Variants in LRR1 observed in about 807,000 individuals in gnomAD.
The protein encoded by LRR1 is leucine rich repeat protein 1.
In LRR1, 29 loss-of-function variants were observed where a neutral mutation model predicts 31.6. That is an observed-to-expected ratio of 0.92 (90% CI 0.68 to 1.25). The LOEUF is 1.25. Among genes scored for constraint, LRR1 ranks in the 50% most tolerant of loss-of-function variants. The pLI is 0.00. For synonymous variants in LRR1, 179 were observed against 181.4 expected (o/e 0.99, Z 0.10); for missense variants, 485 against 487.2 (o/e 1.00, Z 0.04).
chr14:49,600,369 C>G, intron 1 of LRR1: 1 of 1,589,290 alleles, frequency 6.3e-7, no homozygotes. Context: ...GATTGATCTC[C>G]GAGATGACCC....
At chr14:49,600,008 C>T (rs1881987260) in intron 1 of LRR1, 1 of 1,607,530 alleles carries the variant, frequency 6.2e-7, no homozygotes, top group South Asian at 1.1e-5. Context: ...CTCACGGGCC[C>T]GGCGCGCTGA....
chr14:49,603,710 A>ATTTTT (rs1566493069), intron 2 of LRR1: 9,583 of 132,456 alleles, frequency 0.072, 2,702 homozygotes, highest in Admixed American at 0.19. Context: ...TTTTTTTTTA[A>ATTTTT]TGAGACAGAG....
intron 3 of LRR1, among the ~76,000 whole-genome samples, chr14:49,613,648 A>C (rs1379058844): frequency 6.6e-6 from 1 of 151,332 alleles, no homozygotes; most frequent in Admixed American, 6.6e-5. Context: ...CTCTACTAAA[A>C]ATACAATGCA....
chr14:49,600,494 C>T, intron 1 of LRR1: 1 of 1,582,436 alleles, frequency 6.3e-7, no homozygotes, highest in Non-Finnish European at 8.7e-7. Flanking sequence ...CAGCTTTAAC[C>T]CAGAAGGGAT....
At chr14:49,604,270 A>G (rs1052814764) in intron 2 of LRR1, among the ~76,000 whole-genome samples, 1 of 151,992 alleles carries the variant, frequency 6.6e-6, no homozygotes, top group Non-Finnish European at 1.5e-5. Flanking sequence ...GCACCACTGC[A>G]CTCCAACCTG....
chr14:49,599,066 G>A lies in LRR1; in HGVS notation c.46G>A (p.Ala16Thr). 1 of 1,609,410 alleles carries A rather than the reference G, an allele frequency of 6.2e-7. No individual in the cohort carries two copies. Among genetic ancestry groups the A allele is most frequent in the Non-Finnish European group, 8.5e-7 (1 of 1,178,004 alleles). ...EVEVISRHLPALGLRNRGKGV... is the reference protein window; with the variant it reads ...EVEVISRHLPTLGLRNRGKGV... ...GGAGGTGATCAGCCGGCACTTGCCC[G>A]CCTTGGGGCTTAGGAACCGGGGCAA... is the stretch of plus-strand genomic sequence containing the variant. Residue 16 changes from alanine to threonine, a missense_variant, in exon 1 of 4, where the codon GCC becomes ACC. Transcript: ENST00000298288.
intron 1 of LRR1, 53 bp downstream of exon 1, chr14:49,599,256 A>G (rs1881940714): frequency 2.0e-6 from 3 of 1,504,618 alleles, no homozygotes; most frequent in Admixed American, 2.1e-5. Flanking sequence ...GGAAGCCGAG[A>G]CGCGGGCCAC....
At chr14:49,609,275 G>A (rs1188454348) in intron 3 of LRR1, among the ~76,000 whole-genome samples, 2 of 124,458 alleles carry the variant, frequency 1.6e-5, no homozygotes, top group Non-Finnish European at 3.2e-5. Context: ...GCCCAGGCTC[G>A]AGTGCAGTGG....
At chr14:49,600,309 G>C (rs188702261) in intron 1 of LRR1, 1 of 1,505,098 alleles carries the variant, frequency 6.6e-7, no homozygotes. Context: ...GTGGGTACCG[G>C]AACTTAAGGA....
rs1015891667 is a variant in LRR1, at chr14:49,599,318, G to A, written c.183+115G>A. 19 of 1,213,450 alleles carry A rather than the reference G, an allele frequency of 1.6e-5. No homozygotes were observed. In the African/African-American group the frequency reaches 2.4e-4, roughly 16 times the overall value. 75.2% of individuals were successfully genotyped at this position (1,213,450 alleles called of 1,614,324 possible). On this transcript the variant is annotated intron_variant, in intron 1 of 3. Transcript: ENST00000298288. ...CCCTAGGCGAAAGCCCGCCTTGGGG[G>A]TTCCTGAACTCCCAGCCTTGAGACC...
At chr14:49,599,957 G>C in intron 1 of LRR1, 3 of 1,535,036 alleles carry the variant, frequency 2.0e-6, no homozygotes, top group Non-Finnish European at 2.6e-6. Context: ...GGGGGCTCCG[G>C]GGGGACCATG....
Position 49,599,283 on chromosome 14 carries a change from C to T in LRR1, c.183+80C>T, listed in dbSNP as rs572089764. On this transcript the variant is annotated intron_variant, in intron 1 of 3. Coordinates refer to ENST00000298288, the MANE Select transcript of LRR1 (RefSeq NM_152329.4). ...GCGGGCCACCCTCGGTCCTCATGCTCCCGGCTGCTCCCTAGGCGAAAGCCC... is the reference window on the plus strand; with the variant it reads ...GCGGGCCACCCTCGGTCCTCATGCTTCCGGCTGCTCCCTAGGCGAAAGCCC... The T allele has an allele frequency of 4.0e-5, 57 of 1,430,352 alleles. 1 individual carries two copies. Among genetic ancestry groups the T allele is most frequent in the East Asian group, 5.0e-5 (2 of 39,604 alleles). 88.6% of individuals were successfully genotyped at this position (1,430,352 alleles called of 1,614,324 possible).
At chr14:49,607,268 G>A in intron 2 of LRR1, 132 bp from the exon 3 acceptor site, 1 of 1,047,312 alleles carries the variant, frequency 9.5e-7, no homozygotes, top group Non-Finnish European at 1.3e-6. Flanking sequence ...CTAAAAAAAA[G>A]TTTTACAGTC....
intron 3 of LRR1, 143 bp from the exon 4 acceptor site, chr14:49,614,113 G>A: frequency 1.3e-6 from 1 of 787,680 alleles, no homozygotes; most frequent in Admixed American, 3.0e-5. Flanking sequence ...TTTACAATAT[G>A]TCATATATTG....
At position 49,601,415 on chromosome 14, in the gene LRR1, T is replaced by C. The variant is rs1229432249; in HGVS notation, c.184-955T>C. The stretch of plus-strand genomic sequence containing the variant: ...TACATAGTGGGTTCTGAATCAATAG[T>C]TGTTGAAATCTAAAGCAGATGCAAC... On this transcript the variant is annotated intron_variant, in intron 1 of 3. Coordinates refer to ENST00000298288, the MANE Select transcript of LRR1 (RefSeq NM_152329.4). 1.2e-5 allele frequency: 6 copies of C among 509,574 alleles called. No homozygotes were observed. The Admixed American group carries it at 1.3e-4, about 11-fold the overall frequency. The allele number at this position is 509,574 out of a possible 1,614,324, so 31.6% of individuals were successfully genotyped here. A position where few individuals can be genotyped will look rare whatever the true frequency, so the allele number is the denominator to read the frequency against.
In LRR1 at chr14:49,599,123, C is replaced by T; in HGVS notation, c.103C>T (p.Gln35Ter). 2 of 1,608,846 alleles carry T rather than the reference C, an allele frequency of 1.2e-6. No homozygotes were observed. ...GVRAVLSLCQQTSRSQPPVRA... is the reference protein window; with the variant it reads ...GVRAVLSLCQ The stretch of plus-strand genomic sequence containing the variant: ...CCGAGCCGTGTTGAGCCTCTGTCAG[C>T]AGACTTCCAGGAGTCAGCCGCCGGT... Residue 35 changes from glutamine to a stop codon, truncating the protein, a stop_gained, in exon 1 of 4, where the codon CAG (glutamine) becomes TAG (stop). Transcript: ENST00000298288. LOFTEE classifies it high-confidence loss of function.
chr14:49,602,618 A>C, intron 2 of LRR1, 150 bp downstream of exon 2: 4 of 630,276 alleles, frequency 6.3e-6, no homozygotes, highest in Non-Finnish European at 1.1e-5. Flanking sequence ...AGCCTCCTGA[A>C]TATCTGGGAC....
At chr14:49,604,947 G>A (rs1488244726) in intron 2 of LRR1, among the ~76,000 whole-genome samples, 1 of 151,504 alleles carries the variant, frequency 6.6e-6, no homozygotes, top group Non-Finnish European at 1.5e-5. Flanking sequence ...CTAGGCTGGA[G>A]TGCAGTGGCA....
At chr14:49,609,621 C>T (rs1205132153) in intron 3 of LRR1, among the ~76,000 whole-genome samples, 2 of 151,742 alleles carry the variant, frequency 1.3e-5, no homozygotes, top group African/African-American at 2.4e-5. Context: ...GTTGTCCAGG[C>T]TGGTCTTGAA....
Sources: gnomAD v4.1 joint callset for allele counts (sites outside exome capture counted in the v4.1 genomes callset) on GRCh38, gnomAD v4.1.1 for gene constraint, MANE v1.5 for transcripts, NCBI Gene and HGNC (gene_info 2026-07-23, HGNC 2026-07-21) for gene names.